Variants in CUX1 observed in about 807,000 individuals in gnomAD.
CUX1 encodes the protein protein CASP.
A neutral mutation model predicts 158.8 loss-of-function variants in CUX1; 31 were observed. The observed-to-expected ratio is 0.20, with a 90% CI of 0.15 to 0.26. CUX1 has a LOEUF of 0.26. Ranked by LOEUF, CUX1 falls within the 10% of genes least tolerant of loss-of-function variation. The pLI, the probability that CUX1 is intolerant of heterozygous loss-of-function variation, is 1.00. For missense variants in CUX1, 1,589 were observed against 2,014.6 expected (o/e 0.79, Z 4.04); for synonymous variants, 879 against 862.1 (o/e 1.02, Z -0.34).
chr7:102,239,479 G>T lies in CUX1; in HGVS notation c.3782G>T (p.Arg1261Leu). 6.2e-7 allele frequency: 1 copy of T among 1,614,128 alleles called. No individual in the cohort carries two copies. The highest frequency in any genetic ancestry group is 1.1e-5 in the South Asian group (1 of 91,076). ...CCGGAGGAGAAGGAGGCGCTGAAAC[G>T]AGCGTATCAGCAAAAGCCATACCCG... ...LAPEEKEALK[R>L]AYQQKPYPSP... Residue 1261 changes from arginine to leucine, a missense_variant, in exon 23 of 24, where the codon CGA (arginine) becomes CTA (leucine). Coordinates refer to ENST00000292535, the MANE Select transcript of CUX1 (RefSeq NM_181552.4).
At chr7:102,095,828 G>C (rs1338162626) in intron 4 of CUX1, among the ~76,000 whole-genome samples, 1 of 152,206 alleles carries the variant, frequency 6.6e-6, no homozygotes, top group Non-Finnish European at 1.5e-5. Flanking sequence ...CTGTGGACTT[G>C]GGTATTCTTC....
intron 8 of CUX1, among the ~76,000 whole-genome samples, chr7:102,149,602 G>C (rs1287496273): frequency 6.6e-6 from 1 of 152,206 alleles, no homozygotes; most frequent in Non-Finnish European, 1.5e-5. Context: ...GTCTCAGTCT[G>C]AGCTGGGCCC....
At chr7:102,220,164 C>T (rs1332047541) in intron 20 of CUX1, among the ~76,000 whole-genome samples, 5 of 152,148 alleles carry the variant, frequency 3.3e-5, no homozygotes, top group African/African-American at 1.2e-4. Flanking sequence ...AGTTCGAGAC[C>T]AGCCTGGCCA....
At chr7:102,172,546 G>A (rs1791845788) in intron 10 of CUX1, among the ~76,000 whole-genome samples, 1 of 152,018 alleles carries the variant, frequency 6.6e-6, no homozygotes, top group South Asian at 2.1e-4. Flanking sequence ...CATCATTCCC[G>A]GCCCTATTTT....
intron 8 of CUX1, among the ~76,000 whole-genome samples, chr7:102,132,311 G>A (rs1471762254): frequency 0.18 from 14 of 76 alleles, no homozygotes; most frequent in East Asian, 0.5. Context: ...GTGTGTGTGC[G>A]CGCGCGCGCG....
chr7:102,080,556 C>T (rs1554478293), intron 4 of CUX1, among the ~76,000 whole-genome samples: 5 of 152,164 alleles, frequency 3.3e-5, no homozygotes, highest in African/African-American at 2.4e-5. Context: ...CCCCATCGCC[C>T]GCAGAGCGCA....
intron 8 of CUX1, among the ~76,000 whole-genome samples, chr7:102,157,862 T>C (rs891193849): frequency 6.6e-6 from 1 of 152,202 alleles, no homozygotes; most frequent in Non-Finnish European, 1.5e-5. Flanking sequence ...TGCCTTCAGA[T>C]TACTCAAGGA....
chr7:102,196,059 C>T (rs2131972750), intron 14 of CUX1, among the ~76,000 whole-genome samples: 1 of 152,340 alleles, frequency 6.6e-6, no homozygotes, highest in African/African-American at 2.4e-5. Flanking sequence ...CCATCCTTAG[C>T]CTTTCTTGGC....
intron 8 of CUX1, among the ~76,000 whole-genome samples, chr7:102,117,624 C>T (rs893479177): frequency 6.6e-6 from 1 of 152,154 alleles, no homozygotes; most frequent in Non-Finnish European, 1.5e-5. Context: ...CCCCTCTCTC[C>T]TCCCACCAGC....
intron 1 of CUX1, among the ~76,000 whole-genome samples, chr7:101,842,522 G>A (rs533201808): frequency 1.3e-5 from 2 of 152,274 alleles, no homozygotes; most frequent in Admixed American, 6.5e-5. Context: ...CAAGAAGCGA[G>A]AATTACAGGA....
At position 102,250,597 on chromosome 7, in the gene CUX1, C is replaced by T. The variant is rs1489515087; in HGVS notation, c.*1555C>T. On this transcript the variant is annotated 3_prime_UTR_variant, in exon 24 of 24. Coordinates refer to ENST00000292535, the MANE Select transcript of CUX1 (RefSeq NM_181552.4). Reference sequence around the variant, plus strand: ...CCCATCCCTGTAGAAATGGCCCAAACTCACACCAAAACGTGGATGCTCTTC... The same window carrying T: ...CCCATCCCTGTAGAAATGGCCCAAATTCACACCAAAACGTGGATGCTCTTC... The T allele has an allele frequency of 2.9e-5, 29 of 985,344 alleles. No individual in the cohort carries two copies. The highest frequency in any genetic ancestry group is 3.5e-5 in the Non-Finnish European group (29 of 829,942). The allele number at this position is 985,344 out of a possible 1,614,324, so 61.0% of individuals were successfully genotyped here. A position where few individuals can be genotyped will look rare whatever the true frequency, so the allele number is the denominator to read the frequency against.
intron 20 of CUX1, among the ~76,000 whole-genome samples, chr7:102,223,484 T>G (rs1469422797): frequency 6.6e-6 from 1 of 151,984 alleles, no homozygotes; most frequent in Non-Finnish European, 1.5e-5. Flanking sequence ...GAGGGGACCC[T>G]CTGTGCAGCG....
chr7:101,939,479 G>A (rs925052715), intron 2 of CUX1, among the ~76,000 whole-genome samples: 2 of 152,002 alleles, frequency 1.3e-5, no homozygotes, highest in Non-Finnish European at 2.9e-5. Context: ...TCGTCTGAAC[G>A]ATCTTGTACA....
At chr7:101,984,089 A>AAAAAAAT (rs1221503978) in intron 2 of CUX1, among the ~76,000 whole-genome samples, 13 of 29,832 alleles carry the variant, frequency 4.4e-4, no homozygotes, top group Non-Finnish European at 8.4e-4. Context: ...AAAAAAAAAA[A>AAAAAAAT]ATATATATAT....
chr7:101,907,152 G>A (rs1036260325), intron 1 of CUX1, among the ~76,000 whole-genome samples: 3 of 152,170 alleles, frequency 2.0e-5, no homozygotes, highest in Non-Finnish European at 4.4e-5. Flanking sequence ...TGAAATAAGT[G>A]AAAACATGAA....
chr7:102,067,217 C>T (rs1825641138), intron 3 of CUX1, among the ~76,000 whole-genome samples: 2 of 143,844 alleles, frequency 1.4e-5, no homozygotes, highest in East Asian at 2.1e-4. Context: ...TGTGTGTCTG[C>T]ATTTCATGTA....
At chr7:101,889,095 G>A (rs533793650) in intron 1 of CUX1, among the ~76,000 whole-genome samples, 26 of 151,114 alleles carry the variant, frequency 1.7e-4, no homozygotes, top group African/African-American at 5.8e-4. Context: ...ACCAGACCCC[G>A]TCTCTACAAG....
chr7:101,829,974 G>A (rs1478901829), intron 1 of CUX1, among the ~76,000 whole-genome samples: 1 of 152,222 alleles, frequency 6.6e-6, no homozygotes, highest in African/African-American at 2.4e-5. Context: ...GCCTGGTCAT[G>A]GGGCCGGAGG....
At chr7:101,988,449 C>T (rs1232016322) in intron 2 of CUX1, among the ~76,000 whole-genome samples, 1 of 152,148 alleles carries the variant, frequency 6.6e-6, no homozygotes, top group Non-Finnish European at 1.5e-5. Context: ...TCGGGTGCTT[C>T]TGCGCCAGCT....
Sources: allele counts gnomAD v4.1 joint callset (sites outside exome capture counted in the v4.1 genomes callset), GRCh38; gene constraint gnomAD v4.1.1; transcripts MANE v1.5; gene names NCBI Gene and HGNC (gene_info 2026-07-23, HGNC 2026-07-21).